TNKS: variants seen among roughly 807,000 people sequenced by gnomAD.
TNKS encodes the protein poly [ADP-ribose] polymerase tankyrase-1.
TNKS carries 72 observed loss-of-function variants against 135.8 expected under a neutral mutation model. That is an observed-to-expected ratio of 0.53 (90% CI 0.44 to 0.64). TNKS has a LOEUF of 0.64. TNKS is among the 30% of genes least tolerant of loss of function. TNKS has a pLI of 0.00. For synonymous variants in TNKS, 849 were observed against 649.3 expected, an observed-to-expected ratio of 1.31 and a Z score of -4.68; for missense variants, 1,769 against 1,674.0, an observed-to-expected ratio of 1.06 and a Z score of -0.99.
At chr8:9,651,529 A>G (rs1801147302) in intron 3 of TNKS, among the ~76,000 whole-genome samples, 1 of 152,210 alleles carries the variant, frequency 6.6e-6, no homozygotes, top group Admixed American at 6.5e-5. Context: ...TGTAGGGTCT[A>G]GACTTGTACT....
intron 3 of TNKS, among the ~76,000 whole-genome samples, chr8:9,649,878 CTTTTTTTTTTTTTTTTT>C (rs71201959): frequency 1.8e-3 from 150 of 83,380 alleles, no homozygotes; most frequent in Middle Eastern, 0.01. Flanking sequence ...CTTTTCTTTT[CTTTTTTTTTTTTTTTTT>C]TTTTTTTTTT....
chr8:9,762,618 T>A (rs1807203363), intron 21 of TNKS, among the ~76,000 whole-genome samples: 1 of 152,126 alleles, frequency 6.6e-6, no homozygotes, highest in Non-Finnish European at 1.5e-5. Context: ...ACAGATAAAA[T>A]TGGGCTGGGC....
At position 9,776,887 on chromosome 8, in the gene TNKS, T is replaced by C; in HGVS notation, c.*151T>C. The C allele has an allele frequency of 1.5e-6, 1 of 681,722 alleles. No individual in the cohort carries two copies. The highest frequency in any genetic ancestry group is 2.5e-6 in the Non-Finnish European group (1 of 407,766). The allele number at this position is 681,722 out of a possible 1,614,324, so 42.2% of individuals were successfully genotyped here. On this transcript the variant is annotated 3_prime_UTR_variant, in exon 27 of 27. Transcript: ENST00000310430. ...TATAAAGCATTGCTATAGTGATGAA[T>C]AGTATGAGTAACTGATACATACTCA...
chr8:9,709,878 G>C (rs998715902), intron 9 of TNKS, 77 bp from the exon 10 acceptor site: 1 of 1,065,308 alleles, frequency 9.4e-7, no homozygotes, highest in African/African-American at 1.6e-5. Flanking sequence ...TAAATGGTCA[G>C]CAGATACTGT....
intron 11 of TNKS, among the ~76,000 whole-genome samples, chr8:9,717,095 ATATATATT>A (rs1804648543): frequency 2.3e-5 from 3 of 129,650 alleles, no homozygotes; most frequent in South Asian, 5.2e-4. Flanking sequence ...ATATATATAT[ATATATATT>A]TTCAGGGAAT....
chr8:9,679,747 G>C (rs1802694097), intron 3 of TNKS: 1 of 513,246 alleles, frequency 1.9e-6, no homozygotes, highest in Admixed American at 3.2e-5. Flanking sequence ...GATTGGACAA[G>C]AAGCTGCGTC....
intron 22 of TNKS, among the ~76,000 whole-genome samples, chr8:9,764,019 G>C (rs940354590): frequency 1.3e-5 from 2 of 151,946 alleles, no homozygotes; most frequent in East Asian, 3.9e-4. Context: ...GGCATCATGG[G>C]GTCCGGTGTC....
chr8:9,763,159 A>T lies in TNKS; in HGVS notation c.3287A>T (p.Tyr1096Phe). ...LLGGQQGTNP[Y>F]LTFHCVNQGT... ...TTCTCTCCGACAGGCACCAATCCTTATTTGACTTTTCACTGTGTTAATCAG... is the reference window on the plus strand; with the variant it reads ...TTCTCTCCGACAGGCACCAATCCTTTTTTGACTTTTCACTGTGTTAATCAG... The change falls in exon 22 of 27, where the codon TAT (tyrosine) becomes TTT (phenylalanine). Residue 1096 changes from tyrosine to phenylalanine, a missense_variant. Around this residue, in one of 5 missense-constraint regions of TNKS, gnomAD observed 722 missense variants for 688.9 expected, o/e 1.05. Transcript: ENST00000310430. 6.3e-7 allele frequency: 1 copy of T among 1,580,986 alleles called. No homozygotes were observed. The highest frequency in any genetic ancestry group is 1.2e-5 in the South Asian group (1 of 86,054).
intron 4 of TNKS, 62 bp downstream of exon 4, chr8:9,680,049 G>C: frequency 8.2e-7 from 1 of 1,225,846 alleles, no homozygotes; most frequent in Non-Finnish European, 1.2e-6. Flanking sequence ...GAGGAGGGCA[G>C]GTGGAGGACT....
At chr8:9,605,211 G>A (rs1799169493) in intron 2 of TNKS, among the ~76,000 whole-genome samples, 1 of 151,972 alleles carries the variant, frequency 6.6e-6, no homozygotes, top group African/African-American at 2.4e-5. Flanking sequence ...AGTCAACAAT[G>A]ATCTATTTTC....
chr8:9,759,987 C>CAAAAAA (rs1233204829), intron 20 of TNKS, among the ~76,000 whole-genome samples: 1 of 129,412 alleles, frequency 7.7e-6, no homozygotes, highest in African/African-American at 2.9e-5. Context: ...CAAAAGAAAA[C>CAAAAAA]AAAACAAAAA....
At chr8:9,602,591 C>A (rs1165021446) in intron 2 of TNKS, among the ~76,000 whole-genome samples, 1 of 152,186 alleles carries the variant, frequency 6.6e-6, no homozygotes, top group Non-Finnish European at 1.5e-5. Context: ...CTGGTGGAGC[C>A]AGTAGCCTAC....
chr8:9,747,739 A>G (rs1353801648), intron 17 of TNKS, among the ~76,000 whole-genome samples: 3 of 152,230 alleles, frequency 2.0e-5, no homozygotes, highest in Admixed American at 6.5e-5. Flanking sequence ...TGTTTTTAAA[A>G]TAAAGTTGAA....
At chr8:9,696,059 C>G (rs887088424) in intron 5 of TNKS, among the ~76,000 whole-genome samples, 2 of 152,124 alleles carry the variant, frequency 1.3e-5, no homozygotes, top group South Asian at 4.1e-4. Context: ...ATATAGTAAC[C>G]AGTAACCTCC....
rs1038052019 is a variant in TNKS, at chr8:9,609,014, T to G, written c.899-6568T>G. Among the ~76,000 whole-genome samples, 4 of 152,218 alleles carry G rather than the reference T, an allele frequency of 2.6e-5. No individual in the cohort carries two copies. The East Asian group carries it at 7.7e-4, about 29-fold the overall frequency. ...AACTAAAGTTTTATTTAAAATTTTT[T>G]CGTTATATTTTTATTTCTAAAAGTT... On this transcript the variant is annotated intron_variant, in intron 2 of 26. Coordinates refer to ENST00000310430, the MANE Select transcript of TNKS (RefSeq NM_003747.3).
intron 1 of TNKS, among the ~76,000 whole-genome samples, chr8:9,561,362 CTCAATCTTG>C (rs1271859652): frequency 6.6e-6 from 1 of 152,172 alleles, no homozygotes; most frequent in Non-Finnish European, 1.5e-5. Flanking sequence ...TACCCCTTAT[CTCAATCTTG>C]TCACTACCCC....
At chr8:9,614,596 A>G (rs1229593255) in intron 2 of TNKS, among the ~76,000 whole-genome samples, 2 of 152,218 alleles carry the variant, frequency 1.3e-5, no homozygotes, top group Non-Finnish European at 2.9e-5. Context: ...TAAAGAATGT[A>G]TGTGCTTTAG....
chr8:9,771,860 G>A (rs1478803275), intron 26 of TNKS, among the ~76,000 whole-genome samples: 4 of 60,018 alleles, frequency 6.7e-5, no homozygotes, highest in Non-Finnish European at 1.3e-4. Context: ...GGGAGAGAGA[G>A]CTAGAGAGCG....
At chr8:9,757,376 A>G (rs1053748801) in intron 20 of TNKS, among the ~76,000 whole-genome samples, 11 of 152,230 alleles carry the variant, frequency 7.2e-5, no homozygotes, top group African/African-American at 2.6e-4. Flanking sequence ...TCCTTGATAC[A>G]TACTCTCCTG....
Sources: allele counts gnomAD v4.1 joint callset (sites outside exome capture counted in the v4.1 genomes callset), GRCh38; gene constraint gnomAD v4.1.1; regional missense constraint gnomAD v4.1.1; transcripts MANE v1.5; gene names NCBI Gene and HGNC (gene_info 2026-07-23, HGNC 2026-07-21).